The following ASTN2 variants were observed in gnomAD, a reference collection of about 807,000 sequenced individuals.
ASTN2 encodes the protein astrotactin-2.
Under a neutral mutation model 139.8 loss-of-function variants are expected in ASTN2, and 54 were observed. The observed-to-expected ratio is 0.39, with a 90% CI of 0.31 to 0.48. The LOEUF is 0.48. Ranked by LOEUF, ASTN2 falls within the 20% of genes least tolerant of loss-of-function variation. The pLI is 0.95. For synonymous variants in ASTN2, 756 were observed against 719.5 expected, an observed-to-expected ratio of 1.05 and a Z score of -0.81; for missense variants, 1,565 against 1,725.1, an observed-to-expected ratio of 0.91 and a Z score of 1.64.
chr9:117,347,673 A>C (rs1212284658), intron 1 of ASTN2, among the ~76,000 whole-genome samples: 1 of 152,210 alleles, frequency 6.6e-6, no homozygotes, highest in East Asian at 1.9e-4. Flanking sequence ...TCTGAAAATC[A>C]GAAATAGGTA....
intron 19 of ASTN2, among the ~76,000 whole-genome samples, chr9:116,610,565 T>G (rs1855484754): frequency 1.3e-5 from 2 of 151,944 alleles, no homozygotes; most frequent in African/African-American, 2.4e-5. Flanking sequence ...ACTGTGCCAT[T>G]GCGCTCCAGC....
At chr9:117,331,539 A>G (rs1358980654) in intron 1 of ASTN2, among the ~76,000 whole-genome samples, 1 of 152,186 alleles carries the variant, frequency 6.6e-6, no homozygotes, top group Non-Finnish European at 1.5e-5. Context: ...TGTCTTGTTC[A>G]TTGACTTATC....
intron 13 of ASTN2, among the ~76,000 whole-genome samples, chr9:116,749,030 G>T: frequency 6.6e-6 from 1 of 151,936 alleles, no homozygotes; most frequent in Non-Finnish European, 1.5e-5. Context: ...ATCCTGGTCC[G>T]CCCCCCGTCC....
chr9:116,509,155 C>T (rs1850248679), intron 19 of ASTN2, among the ~76,000 whole-genome samples: 1 of 152,178 alleles, frequency 6.6e-6, no homozygotes, highest in South Asian at 2.1e-4. Flanking sequence ...CTATCACTCC[C>T]CCTTCCCCTC....
At chr9:116,427,578 C>A (rs1333140278) in intron 22 of ASTN2, among the ~76,000 whole-genome samples, 2 of 152,224 alleles carry the variant, frequency 1.3e-5, no homozygotes, top group African/African-American at 4.8e-5. Flanking sequence ...TCTCCATGTC[C>A]CTCTGATACC....
At chr9:117,002,806 G>A (rs1193460111) in intron 7 of ASTN2, among the ~76,000 whole-genome samples, 3 of 152,142 alleles carry the variant, frequency 2.0e-5, no homozygotes, top group Non-Finnish European at 4.4e-5. Context: ...TTTACAGTCT[G>A]GTGATAGTTC....
chr9:117,381,253 T>A (rs1005528607), intron 1 of ASTN2, among the ~76,000 whole-genome samples: 10 of 152,048 alleles, frequency 6.6e-5, no homozygotes, highest in African/African-American at 2.4e-4. Flanking sequence ...CTGCTAATGG[T>A]TGTGGGGTTT....
Position 116,863,709 on chromosome 9 carries a change from G to C in ASTN2, c.1914C>G (p.Tyr638Ter), listed in dbSNP as rs1832951841. The C allele has an allele frequency of 6.2e-7, 1 of 1,613,946 alleles. No individual in the cohort carries two copies. Among genetic ancestry groups the C allele is most frequent in the Admixed American group, 1.7e-5 (1 of 59,994 alleles). ...DVREEAMLST[Y>*]FETINDLLSS... Reference sequence around the variant, plus strand: ...ACAGCAGGTCATTGATGGTTTCAAAGTATGTGGACAGCATCGCTTCTTCCC... The same window carrying C: ...ACAGCAGGTCATTGATGGTTTCAAACTATGTGGACAGCATCGCTTCTTCCC... The change falls in exon 11 of 23, where the codon TAC (tyrosine) becomes TAG (stop). Residue 638 changes from tyrosine to a stop codon, truncating the protein, a stop_gained. Transcript: ENST00000313400. LOFTEE classifies it high-confidence loss of function.
At position 117,143,420 on chromosome 9, in the gene ASTN2, TG is replaced by T. The variant is rs368125082; in HGVS notation, c.1016-1943del. ...AGAGAAAAGTGCTTTGCCCAATAGA[TG>T]GGCTATACTTTGGTCAAAAGTCCAG... On this transcript the variant is annotated intron_variant, in intron 3 of 22. Coordinates refer to ENST00000313400, the MANE Select transcript of ASTN2 (RefSeq NM_001365068.1). Among the ~76,000 whole-genome samples the T allele has an allele frequency of 1.1e-4, 16 of 152,316 alleles. No individual in the cohort carries two copies. In the East Asian group the frequency reaches 3.1e-3, roughly 29 times the overall value.
At chr9:116,887,348 G>A (rs867850078) in intron 10 of ASTN2, among the ~76,000 whole-genome samples, 1 of 152,078 alleles carries the variant, frequency 6.6e-6, no homozygotes, top group East Asian at 1.9e-4. Context: ...GGAGATGCCT[G>A]GGGAGAAGGG....
chr9:116,800,979 G>C (rs981276183), intron 13 of ASTN2, among the ~76,000 whole-genome samples: 2 of 152,094 alleles, frequency 1.3e-5, no homozygotes, highest in East Asian at 3.9e-4. Flanking sequence ...TCTAGGCAGG[G>C]GCAGGGAGGA....
rs185006473 is a variant in ASTN2, at chr9:116,593,527, G to A, written c.3355+24797C>T. Among the ~76,000 whole-genome samples the A allele has an allele frequency of 2.2e-4, 33 of 152,252 alleles. No homozygotes were observed. In the East Asian group the frequency reaches 6.2e-3, roughly 29 times the overall value. On this transcript the variant is annotated intron_variant, in intron 19 of 22. Transcript: ENST00000313400. ...CTCTGTTCTGCTGCCAAGATCCTAT[G>A]CAAGCCAAGTCTGGCAGAGCCTACT...
chr9:116,836,644 C>T (rs1353628486), intron 11 of ASTN2, among the ~76,000 whole-genome samples: 1 of 152,000 alleles, frequency 6.6e-6, no homozygotes, highest in Non-Finnish European at 1.5e-5. Context: ...TTCTGAGCTG[C>T]AGGCTCCTTT....
intron 1 of ASTN2, among the ~76,000 whole-genome samples, chr9:117,344,176 G>T (rs1451773615): frequency 7.0e-6 from 1 of 141,982 alleles, no homozygotes; most frequent in Non-Finnish European, 1.6e-5. Flanking sequence ...TTCCACAAAA[G>T]CACGTGGAGA....
At chr9:116,676,939 C>A (rs1004543580) in intron 16 of ASTN2, among the ~76,000 whole-genome samples, 7 of 152,172 alleles carry the variant, frequency 4.6e-5, no homozygotes, top group African/African-American at 1.4e-4. Flanking sequence ...AAACTACTTA[C>A]CATGTCTTTG....
chr9:117,232,888 A>ATT (rs10593705), intron 2 of ASTN2, among the ~76,000 whole-genome samples: 7 of 147,850 alleles, frequency 4.7e-5, no homozygotes, highest in Non-Finnish European at 7.5e-5. Context: ...CTAGGTACAG[A>ATT]TTTTTTTTTT....
At chr9:117,238,081 C>T (rs555269700) in intron 2 of ASTN2, among the ~76,000 whole-genome samples, 1 of 152,188 alleles carries the variant, frequency 6.6e-6, no homozygotes, top group Non-Finnish European at 1.5e-5. Context: ...GCTCCAATTG[C>T]AACCTGGCTC....
At chr9:117,182,643 C>T (rs1831103994) in intron 3 of ASTN2, among the ~76,000 whole-genome samples, 1 of 152,180 alleles carries the variant, frequency 6.6e-6, no homozygotes. Context: ...TTCTCTGTTC[C>T]TTGTATAAGC....
intron 19 of ASTN2, chr9:116,611,165 G>A (rs1204314276): frequency 6.6e-6 from 1 of 152,106 alleles, no homozygotes; most frequent in African/African-American, 2.4e-5. Context: ...AAACGAAGTG[G>A]CATGCCTCTA....
Sources: allele counts gnomAD v4.1 joint callset (sites outside exome capture counted in the v4.1 genomes callset), GRCh38; gene constraint gnomAD v4.1.1; transcripts MANE v1.5; gene names NCBI Gene and HGNC (gene_info 2026-07-23, HGNC 2026-07-21).